Variants in AKAP10 observed in about 807,000 individuals in gnomAD.
AKAP10 encodes the protein A-kinase anchor protein 10, mitochondrial.
Under a neutral mutation model 80.8 loss-of-function variants are expected in AKAP10, and 24 were observed. That is an observed-to-expected ratio of 0.30 (90% CI 0.22 to 0.42). The LOEUF (loss-of-function observed/expected upper bound fraction) is 0.42, where lower values mean the gene tolerates loss of function less well. Ranked by LOEUF, AKAP10 falls within the 10% of genes least tolerant of loss-of-function variation. The probability of loss-of-function intolerance (pLI) is 1.00; values close to 1 mark genes in which losing one functional copy is unlikely to be tolerated. For missense variants in AKAP10, 661 were observed against 794.9 expected (o/e 0.83, Z 2.03); for synonymous variants, 291 against 277.7 (o/e 1.05, Z -0.48).
chr17:19,929,170 G>A (rs185712195), intron 10 of AKAP10, among the ~76,000 whole-genome samples: 1 of 152,232 alleles, frequency 6.6e-6, no homozygotes, highest in African/African-American at 2.4e-5. Context: ...TGTCTCTATA[G>A]AGATAAAAAG....
Position 19,962,452 on chromosome 17 carries a change from C to T in AKAP10, c.319+388G>A, listed in dbSNP as rs114308825. 4.4e-3 allele frequency among the ~76,000 whole-genome samples: 670 copies of T among 152,216 alleles called. 4 individuals are homozygous for T. Among genetic ancestry groups the T allele is most frequent in the African/African-American group, 0.015 (629 of 41,514 alleles). On this transcript the variant is annotated intron_variant, in intron 3 of 14. Coordinates refer to ENST00000225737, the MANE Select transcript of AKAP10 (RefSeq NM_007202.4). ...AAGAGTCTTCACCAGATTATATTAT[C>T]ACTAAATAGGAGGGGTATTTCCCTG... is the stretch of plus-strand genomic sequence containing the variant.
chr17:19,968,931 T>C (rs1203055781), intron 1 of AKAP10, among the ~76,000 whole-genome samples: 5 of 152,222 alleles, frequency 3.3e-5, no homozygotes, highest in Admixed American at 6.5e-5. Context: ...GTGTCATCCA[T>C]AGTACTAGCT....
intron 3 of AKAP10, 62 bp from the exon 4 acceptor site, chr17:19,958,633 A>AATCT: frequency 2.1e-6 from 3 of 1,414,748 alleles, no homozygotes; most frequent in South Asian, 1.4e-5. Flanking sequence ...TTGACAGATT[A>AATCT]GTCAATCACT....
chr17:19,977,642 C>CG lies in AKAP10; in HGVS notation c.37dup (p.Arg13ProfsTer33). ...GGGGCCCGGGTCGGGACGGAGGGTG[C>CG]GGGGGGACTGGCGCGGGGAGGGCCC... On this transcript the variant is annotated frameshift_variant, in exon 1 of 15. Coordinates refer to ENST00000225737, the MANE Select transcript of AKAP10 (RefSeq NM_007202.4). LOFTEE classifies it high-confidence loss of function. 1.6e-6 allele frequency: 2 copies of CG among 1,235,204 alleles called. No individual in the cohort carries two copies. The highest frequency in any genetic ancestry group is 1.0e-6 in the Non-Finnish European group (1 of 987,952). 76.5% of individuals were successfully genotyped at this position (1,235,204 alleles called of 1,614,324 possible). A position where few individuals can be genotyped will look rare whatever the true frequency, so the allele number is the denominator to read the frequency against.
chr17:19,917,627 C>A (rs2042760043), intron 12 of AKAP10, among the ~76,000 whole-genome samples: 1 of 152,116 alleles, frequency 6.6e-6, no homozygotes, highest in South Asian at 2.1e-4. Flanking sequence ...AGGTATGAAC[C>A]ACCATGCAGC....
intron 12 of AKAP10, among the ~76,000 whole-genome samples, chr17:19,914,435 G>A (rs1012316469): frequency 3.9e-5 from 6 of 152,020 alleles, no homozygotes; most frequent in Admixed American, 1.3e-4. Context: ...TGGATTGCTT[G>A]CGGCAGGAGC....
At chr17:19,960,851 C>T (rs551542095) in intron 3 of AKAP10, among the ~76,000 whole-genome samples, 1 of 151,746 alleles carries the variant, frequency 6.6e-6, no homozygotes, top group South Asian at 2.1e-4. Context: ...CATGGTGAAA[C>T]CCCATATCTA....
At chr17:19,910,339 A>AAAAAAAAC (rs1425341451) in intron 12 of AKAP10, among the ~76,000 whole-genome samples, 8 of 151,506 alleles carry the variant, frequency 5.3e-5, no homozygotes, top group African/African-American at 1.9e-4. Flanking sequence ...AAAAAAAAAA[A>AAAAAAAAC]AAACCACTAT....
intron 1 of AKAP10, among the ~76,000 whole-genome samples, chr17:19,972,792 A>G (rs1360207710): frequency 3.3e-5 from 5 of 152,272 alleles, no homozygotes; most frequent in Middle Eastern, 3.4e-3. Flanking sequence ...TTTACACAAC[A>G]TGGATTATAT....
intron 2 of AKAP10, among the ~76,000 whole-genome samples, chr17:19,967,621 G>A (rs947542570): frequency 6.6e-6 from 1 of 152,196 alleles, no homozygotes; most frequent in East Asian, 1.9e-4. Flanking sequence ...GGTGGCTCAC[G>A]CCTGTAATCC....
Position 19,905,973 on chromosome 17 carries a change from A to C in AKAP10, c.*254T>G. The stretch of plus-strand genomic sequence containing the variant: ...GGTTATTGCCATTGGAAAACTAATA[A>C]TTTTCTAGTAATGTAAACAATACCA... On this transcript the variant is annotated 3_prime_UTR_variant, in exon 15 of 15. Coordinates refer to ENST00000225737, the MANE Select transcript of AKAP10 (RefSeq NM_007202.4). 2 of 487,204 alleles carry C rather than the reference A, an allele frequency of 4.1e-6. No individual in the cohort carries two copies. Among genetic ancestry groups the C allele is most frequent in the East Asian group, 3.2e-5 (1 of 31,562 alleles). The allele number at this position is 487,204 out of a possible 1,614,324, so 30.2% of individuals were successfully genotyped here.
Position 19,909,215 on chromosome 17 carries a change from G to T in AKAP10, c.1949C>A (p.Ala650Asp). 6.2e-7 allele frequency: 1 copy of T among 1,613,618 alleles called. No homozygotes were observed. Among genetic ancestry groups the T allele is most frequent in the South Asian group, 1.1e-5 (1 of 91,016 alleles). ...KMIVSDIMQQAQYDQPLEKST... is the reference protein window; with the variant it reads ...KMIVSDIMQQDQYDQPLEKST... ...TTTCTCTAACGGTTGATCATACTGA[G>T]CCTGCTGCATAATGTCACTGACTAT... The change falls in exon 14 of 15, where the codon GCT becomes GAT. Residue 650 changes from alanine to aspartate, a missense_variant. Coordinates refer to ENST00000225737, the MANE Select transcript of AKAP10 (RefSeq NM_007202.4).
rs1449586521 is a variant in AKAP10, at chr17:19,936,315, A to C, written c.1438T>G (p.Leu480Val). 1 of 1,613,882 alleles carries C rather than the reference A, an allele frequency of 6.2e-7. No individual in the cohort carries two copies. The highest frequency in any genetic ancestry group is 1.3e-5 in the African/African-American group (1 of 75,038). The change falls in exon 9 of 15, where the codon TTA (leucine) becomes GTA (valine). Residue 480 changes from leucine to valine, a missense_variant. Coordinates refer to ENST00000225737, the MANE Select transcript of AKAP10 (RefSeq NM_007202.4). The part of the protein sequence containing the change: ...GPLPNCFTTP[L>V]RQAWTTMEKV... ...TCCATGGTTGTCCAGGCCTGACGTA[A>C]TGGAGTTGTGAAACAGTTGGGGAGT...
At chr17:19,917,554 C>T (rs2042759261) in intron 12 of AKAP10, among the ~76,000 whole-genome samples, 1 of 152,188 alleles carries the variant, frequency 6.6e-6, no homozygotes, top group Non-Finnish European at 1.5e-5. Context: ...ACTGCAGCCG[C>T]AGCCTCACCC....
chr17:19,933,582 C>A (rs1386115551), intron 9 of AKAP10, among the ~76,000 whole-genome samples: 2 of 152,058 alleles, frequency 1.3e-5, no homozygotes, highest in Admixed American at 1.3e-4. Flanking sequence ...AATTTACATT[C>A]TTTATATGAT....
intron 4 of AKAP10, among the ~76,000 whole-genome samples, chr17:19,957,466 C>T (rs1205015595): frequency 1.3e-5 from 2 of 151,688 alleles, no homozygotes; most frequent in Admixed American, 6.6e-5. Context: ...GGCATGAACC[C>T]GGAGGTTGCA....
intron 12 of AKAP10, among the ~76,000 whole-genome samples, chr17:19,912,529 T>C (rs2042701804): frequency 6.6e-6 from 1 of 151,978 alleles, no homozygotes; most frequent in African/African-American, 2.4e-5. Context: ...AGAGCAAGAC[T>C]CCATCTCAGA....
intron 14 of AKAP10, among the ~76,000 whole-genome samples, chr17:19,906,678 G>A (rs1231744872): frequency 6.6e-6 from 1 of 152,186 alleles, no homozygotes; most frequent in African/African-American, 2.4e-5. Flanking sequence ...CCGGTATTGT[G>A]GCATGGGACA....
In AKAP10 at chr17:19,906,085, T is replaced by C. The variant is rs569595128; in HGVS notation, c.*142A>G. On this transcript the variant is annotated 3_prime_UTR_variant, in exon 15 of 15. Coordinates refer to ENST00000225737, the MANE Select transcript of AKAP10 (RefSeq NM_007202.4). ...ACTGCATTATGGTGGAAGTCTAGGA[T>C]TGTCTCCCATTCTCTCCTGGAAACA... 59 of 862,214 alleles carry C rather than the reference T, an allele frequency of 6.8e-5. No homozygotes were observed. The East Asian group carries it at 1.4e-3, about 20-fold the overall frequency. The allele number at this position is 862,214 out of a possible 1,614,324, so 53.4% of individuals were successfully genotyped here. A position where few individuals can be genotyped will look rare whatever the true frequency, so the allele number is the denominator to read the frequency against.
Sources: gnomAD v4.1 joint callset for allele counts (sites outside exome capture counted in the v4.1 genomes callset) on GRCh38, gnomAD v4.1.1 for gene constraint, MANE v1.5 for transcripts, NCBI Gene and HGNC (gene_info 2026-07-23, HGNC 2026-07-21) for gene names.